THSD7A: variants seen among roughly 807,000 people sequenced by gnomAD.
THSD7A encodes thrombospondin type 1 domain containing 7A.
In THSD7A, 96 loss-of-function variants were observed where a neutral mutation model predicts 231.3. The observed-to-expected ratio is 0.41, with a 90% confidence interval of 0.35 to 0.49. The LOEUF (loss-of-function observed/expected upper bound fraction) is 0.49. THSD7A is among the 20% of genes least tolerant of loss of function. The pLI, the probability that THSD7A is intolerant of heterozygous loss-of-function variation, is 0.05. For missense variants in THSD7A, 2,290 were observed against 2,070.2 expected, an observed-to-expected ratio of 1.11 and a Z score of -2.06; for synonymous variants, 940 against 743.3, an observed-to-expected ratio of 1.26 and a Z score of -4.30.
At chr7:11,630,293 G>T (rs1285817015) in intron 2 of THSD7A, among the ~76,000 whole-genome samples, 1 of 152,022 alleles carries the variant, frequency 6.6e-6, no homozygotes, top group Non-Finnish European at 1.5e-5. Context: ...AGATGAGAGG[G>T]GATGCCAGAA....
intron 6 of THSD7A, among the ~76,000 whole-genome samples, chr7:11,534,131 A>G (rs1438784992): frequency 6.6e-6 from 1 of 152,190 alleles, no homozygotes; most frequent in African/African-American, 2.4e-5. Context: ...ATATAATTGC[A>G]TGAGAATTTT....
chr7:11,470,451 T>C (rs1295784079), intron 8 of THSD7A, among the ~76,000 whole-genome samples: 1 of 152,016 alleles, frequency 6.6e-6, no homozygotes, highest in African/African-American at 2.4e-5. Context: ...ATATGTATTG[T>C]ATAAAATAAA....
chr7:11,400,320 TAAAAA>T (rs1477951931), intron 23 of THSD7A, among the ~76,000 whole-genome samples: 1 of 152,174 alleles, frequency 6.6e-6, no homozygotes, highest in Non-Finnish European at 1.5e-5. Flanking sequence ...TTAAAAAAAT[TAAAAA>T]AGAATTTATT....
At chr7:11,821,372 C>CT (rs1460212866) in intron 1 of THSD7A, 1 of 562,236 alleles carries the variant, frequency 1.8e-6, no homozygotes, top group Non-Finnish European at 3.3e-6. Context: ...CTTTTTATCT[C>CT]TTCTCCCTTG....
At chr7:11,718,638 T>C (rs1386125827) in intron 1 of THSD7A, among the ~76,000 whole-genome samples, 1 of 151,684 alleles carries the variant, frequency 6.6e-6, no homozygotes, top group Non-Finnish European at 1.5e-5. Context: ...GGTCCTGATA[T>C]AGAATTCCTC....
chr7:11,433,686 A>G (rs989151982), intron 13 of THSD7A, among the ~76,000 whole-genome samples: 6 of 152,148 alleles, frequency 3.9e-5, no homozygotes, highest in African/African-American at 1.4e-4. Context: ...CTCAGTAATT[A>G]TAACTGAAAA....
rs1445931530 is a variant in THSD7A, at chr7:11,590,179, T to G, written c.1453+281A>C. ...GATAAATTTTCGTCTAGTTTTTACA[T>G]TATTCCTGCTAAACTTTGATGAAGA... is the stretch of plus-strand genomic sequence containing the variant. On this transcript the variant is annotated intron_variant, in intron 4 of 27. Coordinates refer to ENST00000423059, the MANE Select transcript of THSD7A (RefSeq NM_015204.3). The surrounding 1 kb of genome is among the most constrained non-coding windows in gnomAD (Gnocchi z 4.4). Among the ~76,000 whole-genome samples, 1 of 152,230 alleles carries G rather than the reference T, an allele frequency of 6.6e-6. No homozygotes were observed. The highest frequency in any genetic ancestry group is 1.5e-5 in the Non-Finnish European group (1 of 68,030).
chr7:11,651,504 TATCTATC>T (rs1782506165), intron 1 of THSD7A, among the ~76,000 whole-genome samples: 1 of 151,770 alleles, frequency 6.6e-6, no homozygotes, highest in Non-Finnish European at 1.5e-5. Flanking sequence ...TCTATCTATC[TATCTATC>T]TATCTATCTA....
intron 9 of THSD7A, among the ~76,000 whole-genome samples, chr7:11,463,990 T>C (rs558572295): frequency 4.3e-4 from 65 of 152,144 alleles, no homozygotes; most frequent in Non-Finnish European, 3.4e-4. Context: ...GTCACCAGAA[T>C]CTCAGAGCTA....
intron 2 of THSD7A, among the ~76,000 whole-genome samples, chr7:11,604,035 A>T (rs1052061692): frequency 4.0e-5 from 6 of 151,728 alleles, no homozygotes; most frequent in Non-Finnish European, 8.9e-5. Flanking sequence ...TAATAAAAAA[A>T]AAATGCCAAA....
intron 1 of THSD7A, among the ~76,000 whole-genome samples, chr7:11,821,958 G>T (rs1562579649): frequency 6.6e-6 from 1 of 152,074 alleles, no homozygotes. Flanking sequence ...TTTTTGGCTA[G>T]GTCCAATTAT....
chr7:11,777,998 A>G (rs1292485837), intron 1 of THSD7A, among the ~76,000 whole-genome samples: 1 of 150,010 alleles, frequency 6.7e-6, no homozygotes, highest in Non-Finnish European at 1.5e-5. Flanking sequence ...AAATACAAAA[A>G]AAAAAAAAAT....
chr7:11,731,264 T>C (rs1781723294), intron 1 of THSD7A, among the ~76,000 whole-genome samples: 1 of 151,572 alleles, frequency 6.6e-6, no homozygotes, highest in Non-Finnish European at 1.5e-5. Flanking sequence ...TTCATAATCA[T>C]AAGCTTTTTC....
intron 24 of THSD7A, 107 bp downstream of exon 24, chr7:11,382,414 C>A (rs1782553187): frequency 3.3e-6 from 3 of 908,942 alleles, no homozygotes; most frequent in Non-Finnish European, 3.5e-6. Context: ...CCCAAACAGG[C>A]TTTGAATACT....
At chr7:11,706,377 G>A (rs1160021528) in intron 1 of THSD7A, among the ~76,000 whole-genome samples, 1 of 150,586 alleles carries the variant, frequency 6.6e-6, no homozygotes, top group Non-Finnish European at 1.5e-5. Context: ...GAATTTGCAA[G>A]TGGCAAAAAA....
intron 1 of THSD7A, among the ~76,000 whole-genome samples, chr7:11,756,512 T>C (rs1240034688): frequency 6.6e-6 from 1 of 152,092 alleles, no homozygotes; most frequent in Admixed American, 6.6e-5. Context: ...AATGCACTTG[T>C]TTGGTAATTA....
chr7:11,371,991 G>GC lies in THSD7A; in HGVS notation c.*3802dup, dbSNP rs1434482665. 1.3e-5 allele frequency: 2 copies of GC among 151,800 alleles called. No homozygotes were observed. The highest frequency in any genetic ancestry group is 2.9e-5 in the Non-Finnish European group (2 of 67,978). 9.4% of individuals were successfully genotyped at this position (151,800 alleles called of 1,614,324 possible). A position where few individuals can be genotyped will look rare whatever the true frequency, so the allele number is the denominator to read the frequency against. ...GACCAAGCAGAGAAAATCAGAAAGGGCCAAGGATACAGGTTGTTGGGGGAG... is the reference window on the plus strand; with the variant it reads ...GACCAAGCAGAGAAAATCAGAAAGGGCCCAAGGATACAGGTTGTTGGGGGAG... On this transcript the variant is annotated 3_prime_UTR_variant, in exon 28 of 28. Transcript: ENST00000423059.
At position 11,541,581 on chromosome 7, in the gene THSD7A, C is replaced by G; in HGVS notation, c.1660G>C (p.Gly554Arg). 1 of 1,613,966 alleles carries G rather than the reference C, an allele frequency of 6.2e-7. No homozygotes were observed. The highest frequency in any genetic ancestry group is 1.6e-4 in the Middle Eastern group (1 of 6,062). The stretch of plus-strand genomic sequence containing the variant: ...AAGTGAGGGCAGTTTCCGGTTACCC[C>G]AGAGCCTCCAGTGGGCTCATTGGTA... ...RITNEPTGGS[G>R]VTGNCPHLLE... Residue 554 changes from glycine (G) to arginine (R), a missense_variant, in exon 6 of 28, where the codon GGG (glycine) becomes CGG (arginine). Transcript: ENST00000423059.
chr7:11,432,618 A>T (rs1374538772), intron 13 of THSD7A, among the ~76,000 whole-genome samples: 1 of 152,066 alleles, frequency 6.6e-6, no homozygotes, highest in African/African-American at 2.4e-5. Flanking sequence ...TATGCGTTTT[A>T]TCTACGTTGG....
Sources: allele counts gnomAD v4.1 joint callset (sites outside exome capture counted in the v4.1 genomes callset), GRCh38; gene constraint gnomAD v4.1.1; non-coding constraint Gnocchi (gnomAD v3.1); transcripts MANE v1.5; gene names NCBI Gene and HGNC (gene_info 2026-07-23, HGNC 2026-07-21).